Variants in ZBTB7C observed in about 807,000 individuals in gnomAD.
The protein encoded by ZBTB7C is zinc finger and BTB domain containing 7C, also known as zinc finger and BTB domain-containing protein 7C.
ZBTB7C carries 8 observed loss-of-function variants against 25.7 expected under a neutral mutation model. The observed-to-expected ratio is 0.31, with a 90% confidence interval of 0.18 to 0.56. The LOEUF (loss-of-function observed/expected upper bound fraction) is 0.56. ZBTB7C is among the 20% of genes least tolerant of loss of function. The pLI is 0.91. For synonymous variants in ZBTB7C, 394 were observed against 369.0 expected (o/e 1.07, Z -0.78); for missense variants, 824 against 855.2 (o/e 0.96, Z 0.46).
intron 1 of ZBTB7C, among the ~76,000 whole-genome samples, chr18:48,382,882 C>T (rs764907889): frequency 8.5e-5 from 13 of 152,200 alleles, no homozygotes; most frequent in Admixed American, 3.9e-4. Context: ...AGTTAACATT[C>T]GTTTTCCCCT....
intron 1 of ZBTB7C, among the ~76,000 whole-genome samples, chr18:48,407,675 G>A (rs2048311341): frequency 6.6e-6 from 1 of 152,174 alleles, no homozygotes; most frequent in African/African-American, 2.4e-5. Flanking sequence ...TAAAATGAGT[G>A]CTCCTAATAT....
chr18:48,296,421 C>T (rs1204809500), intron 2 of ZBTB7C, among the ~76,000 whole-genome samples: 2 of 152,230 alleles, frequency 1.3e-5, no homozygotes, highest in African/African-American at 2.4e-5. Flanking sequence ...TTTCAAGAGG[C>T]TCTTCTCTCC....
intron 3 of ZBTB7C, among the ~76,000 whole-genome samples, chr18:48,045,558 C>A (rs950548517): frequency 2.6e-5 from 4 of 152,192 alleles, no homozygotes; most frequent in Non-Finnish European, 5.9e-5. Flanking sequence ...ACACCCTGTT[C>A]TCAGCTGCCA....
chr18:48,304,111 C>T (rs752080923), intron 2 of ZBTB7C, among the ~76,000 whole-genome samples: 1 of 152,170 alleles, frequency 6.6e-6, no homozygotes, highest in African/African-American at 2.4e-5. Context: ...CCAGAGCCCA[C>T]ACCTTAACCA....
At chr18:48,098,649 G>T (rs916787344) in intron 3 of ZBTB7C, among the ~76,000 whole-genome samples, 6 of 152,200 alleles carry the variant, frequency 3.9e-5, no homozygotes, top group African/African-American at 1.4e-4. Flanking sequence ...GGTATGGGAA[G>T]GATTTCATAT....
At chr18:48,369,297 C>T (rs1303496039) in intron 1 of ZBTB7C, among the ~76,000 whole-genome samples, 1 of 151,624 alleles carries the variant, frequency 6.6e-6, no homozygotes, top group African/African-American at 2.4e-5. Flanking sequence ...CAAAAATAAA[C>T]TAAAAAATAT....
At chr18:48,084,237 G>A (rs2038099024) in intron 3 of ZBTB7C, among the ~76,000 whole-genome samples, 2 of 152,196 alleles carry the variant, frequency 1.3e-5, no homozygotes, top group South Asian at 2.1e-4. Context: ...AGAGGAAGGC[G>A]GGGCAGTGGG....
intron 1 of ZBTB7C, among the ~76,000 whole-genome samples, chr18:48,405,273 T>C (rs1016831962): frequency 1.1e-4 from 16 of 152,072 alleles, no homozygotes; most frequent in African/African-American, 3.6e-4. Context: ...GGGACCTATT[T>C]GGGGCAGAGT....
chr18:48,303,505 T>C (rs1183716374), intron 2 of ZBTB7C, among the ~76,000 whole-genome samples: 1 of 152,226 alleles, frequency 6.6e-6, no homozygotes, highest in Non-Finnish European at 1.5e-5. Flanking sequence ...TCCTTTAGCA[T>C]AAGGTGTTAA....
chr18:48,317,799 G>T (rs1387141242), intron 2 of ZBTB7C, among the ~76,000 whole-genome samples: 1 of 152,166 alleles, frequency 6.6e-6, no homozygotes, highest in Non-Finnish European at 1.5e-5. Flanking sequence ...ACCTGGGGAG[G>T]CTTTGAAACA....
At chr18:48,101,109 C>T (rs1414303933) in intron 3 of ZBTB7C, among the ~76,000 whole-genome samples, 1 of 152,174 alleles carries the variant, frequency 6.6e-6, no homozygotes. Context: ...AGCCCAGTCC[C>T]TGGCCTCTCC....
At chr18:48,181,326 A>T (rs1386323422) in intron 3 of ZBTB7C, among the ~76,000 whole-genome samples, 1 of 152,216 alleles carries the variant, frequency 6.6e-6, no homozygotes, top group African/African-American at 2.4e-5. Context: ...TGAGCAGTGC[A>T]TAAGAAAAGA....
rs117656749 is a variant in ZBTB7C, at chr18:48,278,822, G to A, written c.-79+59352C>T. 5.7e-3 allele frequency among the ~76,000 whole-genome samples: 869 copies of A among 152,266 alleles called. 2 individuals are homozygous for A. The highest frequency in any genetic ancestry group is 8.5e-3 in the Non-Finnish European group (576 of 68,010). The stretch of plus-strand genomic sequence containing the variant: ...GTTTGCCACGTGGCAATAAACAACC[G>A]AAACACCGCCTAACTGCTCTCTGCT... On this transcript the variant is annotated intron_variant, in intron 2 of 4. Coordinates refer to ENST00000590800, the MANE Select transcript of ZBTB7C (RefSeq NM_001318841.2).
chr18:48,363,309 G>A (rs992856128), intron 1 of ZBTB7C, among the ~76,000 whole-genome samples: 2 of 152,136 alleles, frequency 1.3e-5, no homozygotes, highest in Non-Finnish European at 2.9e-5. Context: ...CTATCTAGGA[G>A]GAAGCCAGAA....
chr18:48,069,749 C>T (rs967421832), intron 3 of ZBTB7C, among the ~76,000 whole-genome samples: 1 of 152,150 alleles, frequency 6.6e-6, no homozygotes, highest in African/African-American at 2.4e-5. Flanking sequence ...CTCCCCGCTA[C>T]ACTCTGAGTG....
At chr18:48,105,849 A>G (rs1357525122) in intron 3 of ZBTB7C, among the ~76,000 whole-genome samples, 3 of 152,248 alleles carry the variant, frequency 2.0e-5, no homozygotes, top group African/African-American at 7.2e-5. Flanking sequence ...ACCTGGCTCC[A>G]GCATACCATT....
intron 4 of ZBTB7C, among the ~76,000 whole-genome samples, chr18:48,031,623 C>A (rs1326626234): frequency 6.6e-6 from 1 of 152,188 alleles, no homozygotes; most frequent in Non-Finnish European, 1.5e-5. Flanking sequence ...AGTGCTGGGC[C>A]CTACTCCCAG....
At chr18:48,343,550 A>G (rs2046654287) in intron 1 of ZBTB7C, among the ~76,000 whole-genome samples, 1 of 152,216 alleles carries the variant, frequency 6.6e-6, no homozygotes, top group African/African-American at 2.4e-5. Flanking sequence ...TGGCTGGTTA[A>G]GAAATGTGGG....
intron 3 of ZBTB7C, among the ~76,000 whole-genome samples, chr18:48,071,846 G>T (rs2037554775): frequency 6.6e-6 from 1 of 152,220 alleles, no homozygotes; most frequent in Admixed American, 6.5e-5. Flanking sequence ...TACCACATGC[G>T]TGAACTTTGA....
Sources: gnomAD v4.1 joint callset for allele counts (sites outside exome capture counted in the v4.1 genomes callset) on GRCh38, gnomAD v4.1.1 for gene constraint, MANE v1.5 for transcripts, NCBI Gene and HGNC (gene_info 2026-07-23, HGNC 2026-07-21) for gene names.